Variants in CYLD observed in about 807,000 individuals in gnomAD.
The protein encoded by CYLD is ubiquitin carboxyl-terminal hydrolase CYLD.
Under a neutral mutation model 104.5 loss-of-function variants are expected in CYLD, and 26 were observed. The ratio of observed to expected loss-of-function variants is 0.25; its 90% CI spans 0.18 to 0.35. The LOEUF is 0.35. CYLD is among the 10% of genes least tolerant of loss of function. CYLD has a pLI of 1.00. For missense variants in CYLD, 703 were observed against 1,136.1 expected, an observed-to-expected ratio of 0.62 and a Z score of 5.48; for synonymous variants, 385 against 399.9, an observed-to-expected ratio of 0.96 and a Z score of 0.45.
At chr16:50,770,877 A>G (rs1429992237) in intron 5 of CYLD, among the ~76,000 whole-genome samples, 1 of 152,128 alleles carries the variant, frequency 6.6e-6, no homozygotes, top group East Asian at 1.9e-4. Context: ...TCTTTGTTCA[A>G]TATATGGTTT....
chr16:50,792,479 A>G (rs1705419209), intron 15 of CYLD, 118 bp from the exon 16 acceptor site: 1 of 701,810 alleles, frequency 1.4e-6, no homozygotes, highest in Non-Finnish European at 2.5e-6. Flanking sequence ...ATCCTGTTTC[A>G]TAGGACACCA....
At position 50,797,344 on chromosome 16, in the gene CYLD, C is replaced by T. The variant is rs903903071; in HGVS notation, c.*836C>T. 3.4e-5 allele frequency: 8 copies of T among 232,020 alleles called. No individual in the cohort carries two copies. The highest frequency in any genetic ancestry group is 1.2e-3 in the Middle Eastern group (1 of 804). 14.4% of individuals were successfully genotyped at this position (232,020 alleles called of 1,614,324 possible). The stretch of plus-strand genomic sequence containing the variant: ...AATAGTCCTTTACAAACATACAGTC[C>T]ATAAGAAAATGAATTTGGCATATAG... On this transcript the variant is annotated 3_prime_UTR_variant, in exon 19 of 19. Transcript: ENST00000427738.
Position 50,794,739 on chromosome 16 carries a change from G to C in CYLD, c.2686+311G>C. The C allele has an allele frequency of 2.5e-6, 1 of 399,536 alleles. No individual in the cohort carries two copies. Among genetic ancestry groups the C allele is most frequent in the Non-Finnish European group, 4.7e-6 (1 of 210,690 alleles). The allele number at this position is 399,536 out of a possible 1,614,324, so 24.7% of individuals were successfully genotyped here. Reference sequence around the variant, plus strand: ...AGGTTCAAGCAATCCTCCCACCTCAGCCTCCTGAGTAGCTGGGACTACACG... The same window carrying C: ...AGGTTCAAGCAATCCTCCCACCTCACCCTCCTGAGTAGCTGGGACTACACG... On this transcript the variant is annotated intron_variant, in intron 18 of 18. Coordinates refer to ENST00000427738, the MANE Select transcript of CYLD (RefSeq NM_001378743.1). This position sits in a 1 kb window ranked among gnomAD's most constrained non-coding sequence, Gnocchi z 4.1.
intron 5 of CYLD, among the ~76,000 whole-genome samples, chr16:50,765,113 G>A (rs138289345): frequency 9.2e-5 from 14 of 152,086 alleles, no homozygotes; most frequent in South Asian, 4.1e-4. Flanking sequence ...ATTTTATAGC[G>A]CTTTTCTTTA....
At chr16:50,744,911 A>G (rs1966045468) in intron 2 of CYLD, 1 of 152,380 alleles carries the variant, frequency 6.6e-6, no homozygotes, top group Non-Finnish European at 1.5e-5. Context: ...ACAAGCTCAG[A>G]TAACCAGAAA....
rs368054012 is a variant in CYLD, at chr16:50,785,157, A to G, written c.1949+706A>G. ...TCACATTATAAAATTTAAACTATGAAGAATTAGGACCATAGATCATAAAAC... is the reference window on the plus strand; with the variant it reads ...TCACATTATAAAATTTAAACTATGAGGAATTAGGACCATAGATCATAAAAC... On this transcript the variant is annotated intron_variant, in intron 12 of 18. Transcript: ENST00000427738. 7 of 152,326 alleles carry G rather than the reference A, an allele frequency of 4.6e-5. No individual in the cohort carries two copies. The South Asian group carries it at 1.0e-3, about 23-fold the overall frequency. 9.4% of individuals were successfully genotyped at this position (152,326 alleles called of 1,614,324 possible). A position where few individuals can be genotyped will look rare whatever the true frequency, so the allele number is the denominator to read the frequency against.
intron 11 of CYLD, among the ~76,000 whole-genome samples, chr16:50,783,095 T>A (rs1970422981): frequency 6.6e-6 from 1 of 151,944 alleles, no homozygotes; most frequent in South Asian, 2.1e-4. Context: ...TGGCTAACTT[T>A]CTTTTTTGTA....
intron 5 of CYLD, among the ~76,000 whole-genome samples, chr16:50,768,160 C>T (rs913286517): frequency 6.6e-5 from 10 of 151,886 alleles, no homozygotes; most frequent in African/African-American, 2.2e-4. Flanking sequence ...TTCATAAACC[C>T]TCAATAGGAG....
At position 50,751,818 on chromosome 16, in the gene CYLD, T is replaced by C. The variant is rs767406236; in HGVS notation, c.719T>C (p.Val240Ala). The C allele has an allele frequency of 1.9e-6, 3 of 1,613,576 alleles. No individual in the cohort carries two copies. The highest frequency in any genetic ancestry group is 2.2e-5 in the South Asian group (2 of 91,072). Residue 240 changes from valine to alanine, a missense_variant, in exon 4 of 19, where the codon GTT becomes GCT. By Grantham distance (64) the Val-to-Ala change is moderately conservative. Transcript: ENST00000427738. ...LEINSRVSLK[V>A]GETIESGTVI... ...ATAAACTCCAGAGTTTCTTTGAAGG[T>C]TGGAGAAACAATAGAATCTGGAACA... is the stretch of plus-strand genomic sequence containing the variant.
Position 50,797,629 on chromosome 16 carries a change from C to T in CYLD, c.*1121C>T. ...CACAGCGGATGTTGTAGACCAGGACCATAGATGATACATGTCAGTGCTGTG... is the reference window on the plus strand; with the variant it reads ...CACAGCGGATGTTGTAGACCAGGACTATAGATGATACATGTCAGTGCTGTG... On this transcript the variant is annotated 3_prime_UTR_variant, in exon 19 of 19. Coordinates refer to ENST00000427738, the MANE Select transcript of CYLD (RefSeq NM_001378743.1). The T allele has an allele frequency of 8.6e-6, 2 of 232,976 alleles. No homozygotes were observed. The highest frequency in any genetic ancestry group is 1.7e-5 in the Non-Finnish European group (2 of 117,828). The allele number at this position is 232,976 out of a possible 1,614,324, so 14.4% of individuals were successfully genotyped here.
At position 50,778,004 on chromosome 16, in the gene CYLD, G is replaced by C. The variant is rs576746578; in HGVS notation, c.1138+63G>C. On this transcript the variant is annotated intron_variant, in intron 8 of 18. Transcript: ENST00000427738. ...TCTTTCTAACTCATCAGAGAAAAAT[G>C]GTTTTTTATATCAATATTTGTAGTT... 9.4e-6 allele frequency: 9 copies of C among 961,594 alleles called. No individual in the cohort carries two copies. The East Asian group carries it at 2.2e-4, about 23-fold the overall frequency. 59.6% of individuals were successfully genotyped at this position (961,594 alleles called of 1,614,324 possible).
Position 50,788,676 on chromosome 16 carries a change from A to G in CYLD, c.2108+824A>G, listed in dbSNP as rs558721021. 1.1e-3 allele frequency among the ~76,000 whole-genome samples: 169 copies of G among 152,362 alleles called. 5 individuals carry two copies. In the South Asian group the frequency reaches 0.034, roughly 31 times the overall value. ...TTCATATTATCTGTTCAAAGATGAT[A>G]ATAGCCATATGTACACCTAAAAATC... On this transcript the variant is annotated intron_variant, in intron 14 of 18. Coordinates refer to ENST00000427738, the MANE Select transcript of CYLD (RefSeq NM_001378743.1).
intron 5 of CYLD, among the ~76,000 whole-genome samples, chr16:50,767,369 T>A (rs1968628966): frequency 6.6e-6 from 1 of 152,208 alleles, no homozygotes; most frequent in Non-Finnish European, 1.5e-5. Flanking sequence ...AAAACACTTG[T>A]GTGACTTGCT....
intron 5 of CYLD, among the ~76,000 whole-genome samples, chr16:50,773,276 C>T (rs1969337901): frequency 6.6e-6 from 1 of 152,110 alleles, no homozygotes; most frequent in Non-Finnish European, 1.5e-5. Context: ...CAAGATTCTC[C>T]AAGGGATTTT....
intron 3 of CYLD, 64 bp downstream of exon 3, chr16:50,750,266 A>G: frequency 1.3e-6 from 2 of 1,551,314 alleles, no homozygotes; most frequent in Admixed American, 3.3e-5. Flanking sequence ...GTGTATTTGT[A>G]TGCACATACA....
At chr16:50,761,075 ATTTTTC>A (rs769975558) in intron 5 of CYLD, among the ~76,000 whole-genome samples, 16 of 152,100 alleles carry the variant, frequency 1.1e-4, no homozygotes, top group Non-Finnish European at 1.8e-4. Context: ...ATTAAGGGCA[ATTTTTC>A]TTTCTGTGAA....
Position 50,761,705 on chromosome 16 carries a change from G to A in CYLD, c.913+7281G>A, listed in dbSNP as rs144818977. On this transcript the variant is annotated intron_variant, in intron 5 of 18. Coordinates refer to ENST00000427738, the MANE Select transcript of CYLD (RefSeq NM_001378743.1). ...TGTAAGGTTATAAAGGAATTTCCCT[G>A]TGTTTTCTTCTAGTACTCTGTGGTT... Among the ~76,000 whole-genome samples the A allele has an allele frequency of 4.7e-3, 704 of 150,746 alleles. 6 individuals carry two copies. Among genetic ancestry groups the A allele is most frequent in the African/African-American group, 0.016 (646 of 41,012 alleles).
rs769578814 is a variant in CYLD at position 50,749,747 on chromosome 16, G to A, written c.49G>A (p.Glu17Lys). ...SQEKVTSPYW[E>K]ERIFYLLLQE... ...AGAAAAAGTCACTTCACCCTACTGG[G>A]AAGAGCGGATTTTTTACTTGCTTCT... is the stretch of plus-strand genomic sequence containing the variant. The change falls in exon 3 of 19, where the codon GAA becomes AAA. Residue 17 changes from glutamate (E) to lysine (K), a missense_variant. By Grantham distance (56) the Glu-to-Lys change is moderately conservative (BLOSUM62 1). Coordinates refer to ENST00000427738, the MANE Select transcript of CYLD (RefSeq NM_001378743.1). 4.3e-6 allele frequency: 7 copies of A among 1,613,828 alleles called. No homozygotes were observed. The South Asian group carries it at 7.7e-5, about 18-fold the overall frequency.
rs1435823177 is a variant in CYLD, at chr16:50,755,044, T to C, written c.913+620T>C. On this transcript the variant is annotated intron_variant, in intron 5 of 18. Coordinates refer to ENST00000427738, the MANE Select transcript of CYLD (RefSeq NM_001378743.1). ...ATATACATATATATGTATATATACATATATATGTATATATACATATAGATA... is the reference window on the plus strand; with the variant it reads ...ATATACATATATATGTATATATACACATATATGTATATATACATATAGATA... 1.7e-3 allele frequency among the ~76,000 whole-genome samples: 177 copies of C among 101,610 alleles called. 31 individuals are homozygous for C. The highest frequency in any genetic ancestry group is 1.9e-3 in the Non-Finnish European group (96 of 49,860). 66.7% of individuals were successfully genotyped at this position (101,610 alleles called of 152,430 possible). A position where few individuals can be genotyped will look rare whatever the true frequency, so the allele number is the denominator to read the frequency against.
Sources: allele counts gnomAD v4.1 joint callset (sites outside exome capture counted in the v4.1 genomes callset), GRCh38; gene constraint gnomAD v4.1.1; non-coding constraint Gnocchi (gnomAD v3.1); transcripts MANE v1.5; gene names NCBI Gene and HGNC (gene_info 2026-07-23, HGNC 2026-07-21).